Variants in FOXP2 observed in about 807,000 individuals in gnomAD.
FOXP2 encodes the protein forkhead box protein P2.
Under a neutral mutation model 115.8 loss-of-function variants are expected in FOXP2, and 12 were observed. The ratio of observed to expected loss-of-function variants is 0.10; its 90% CI spans 0.07 to 0.17. FOXP2 has a LOEUF of 0.17. FOXP2 is among the 10% of genes least tolerant of loss of function. FOXP2 has a pLI of 1.00. For missense variants in FOXP2, 629 were observed against 843.5 expected (o/e 0.75, Z 3.15); for synonymous variants, 328 against 297.7 (o/e 1.10, Z -1.05).
chr7:114,353,011 A>C (rs1228679146), intron 2 of FOXP2, among the ~76,000 whole-genome samples: 1 of 152,074 alleles, frequency 6.6e-6, no homozygotes, highest in Non-Finnish European at 1.5e-5. Flanking sequence ...CTGTAATGAG[A>C]TTGGGCTTTG....
At chr7:114,265,236 A>C (rs141546861) in intron 1 of FOXP2, among the ~76,000 whole-genome samples, 1 of 152,172 alleles carries the variant, frequency 6.6e-6, no homozygotes, top group African/African-American at 2.4e-5. Flanking sequence ...TACTTCCAAG[A>C]TACAATGGGG....
At chr7:114,418,590 G>A (rs1438575700) in intron 1 of FOXP2, among the ~76,000 whole-genome samples, 2 of 151,750 alleles carry the variant, frequency 1.3e-5, no homozygotes, top group South Asian at 2.1e-4. Context: ...CAGAACAGAC[G>A]TCATGAAGGC....
Position 114,583,223 on chromosome 7 carries a change from C to T in FOXP2, c.259-45317C>T, listed in dbSNP as rs531563420. On this transcript the variant is annotated intron_variant, in intron 3 of 16. Coordinates refer to ENST00000350908, the MANE Select transcript of FOXP2 (RefSeq NM_014491.4). ...ATGGTGAAACCCGCCTCTACTAAAA[C>T]CCAAAATTAGCTGGTCATGGTGGTG... Among the ~76,000 whole-genome samples the T allele has an allele frequency of 2.5e-4, 38 of 152,000 alleles. 2 individuals carry two copies. The highest frequency in any genetic ancestry group is 2.4e-3 in the Admixed American group (36 of 15,264).
At chr7:114,371,589 CCCACAATCTGCCACTTAATTTAATA>C (rs1231765998) in intron 2 of FOXP2, among the ~76,000 whole-genome samples, 1 of 151,902 alleles carries the variant, frequency 6.6e-6, no homozygotes, top group African/African-American at 2.4e-5. Flanking sequence ...TTTGTTATTA[CCCACAATCTGCCACTTAATTTAATA>C]GTCAAAGATG....
At chr7:114,184,359 C>CAGA (rs769806434) in intron 1 of FOXP2, among the ~76,000 whole-genome samples, 41 of 152,126 alleles carry the variant, frequency 2.7e-4, no homozygotes, top group Non-Finnish European at 4.4e-4. Flanking sequence ...AGAGAAGACC[C>CAGA]AGAAGCCTTT....
At chr7:114,191,146 A>C (rs1793750820) in intron 1 of FOXP2, among the ~76,000 whole-genome samples, 1 of 152,176 alleles carries the variant, frequency 6.6e-6, no homozygotes, top group Admixed American at 6.5e-5. Flanking sequence ...TTCCTCTTGA[A>C]CTTTCTATCC....
At chr7:114,108,137 C>G (rs1416736719) in intron 1 of FOXP2, among the ~76,000 whole-genome samples, 2 of 151,724 alleles carry the variant, frequency 1.3e-5, no homozygotes, top group Admixed American at 1.3e-4. Context: ...AAGTATGAAC[C>G]AGGTTGACTG....
chr7:114,427,794 T>C (rs1419529332), intron 2 of FOXP2, among the ~76,000 whole-genome samples: 1 of 151,588 alleles, frequency 6.6e-6, no homozygotes, highest in Non-Finnish European at 1.5e-5. Flanking sequence ...TTAAAAAAGT[T>C]ACATGGGTTG....
At chr7:114,224,407 C>T (rs1794699487) in intron 1 of FOXP2, among the ~76,000 whole-genome samples, 1 of 152,088 alleles carries the variant, frequency 6.6e-6, no homozygotes, top group Non-Finnish European at 1.5e-5. Flanking sequence ...TTATTCCTCT[C>T]CGTTATTAAT....
chr7:114,362,905 C>T (rs1419597144), intron 2 of FOXP2, among the ~76,000 whole-genome samples: 1 of 151,958 alleles, frequency 6.6e-6, no homozygotes, highest in Non-Finnish European at 1.5e-5. Flanking sequence ...TCAAAGATTA[C>T]TTGTTAAAGG....
chr7:114,594,896 T>A (rs1434790417), intron 3 of FOXP2, among the ~76,000 whole-genome samples: 1 of 152,012 alleles, frequency 6.6e-6, no homozygotes, highest in Admixed American at 6.6e-5. Context: ...GAAGGTATGT[T>A]CTCAGGGTTG....
At chr7:114,097,364 A>G (rs1799674779) in intron 1 of FOXP2, among the ~76,000 whole-genome samples, 2 of 152,158 alleles carry the variant, frequency 1.3e-5, no homozygotes, top group Non-Finnish European at 2.9e-5. Flanking sequence ...CAAGTCTGTT[A>G]TGTAAATAGA....
At chr7:114,260,913 G>C (rs779148270) in intron 1 of FOXP2, among the ~76,000 whole-genome samples, 1 of 152,086 alleles carries the variant, frequency 6.6e-6, no homozygotes, top group Non-Finnish European at 1.5e-5. Flanking sequence ...GGTGGAAGAA[G>C]AGCTGCATAT....
intron 1 of FOXP2, among the ~76,000 whole-genome samples, chr7:114,151,619 CA>C (rs908170869): frequency 6.6e-6 from 1 of 151,958 alleles, no homozygotes; most frequent in African/African-American, 2.4e-5. Context: ...ATTTATAATT[CA>C]GACATTATTT....
chr7:114,285,138 T>C (rs1235836219), intron 1 of FOXP2, among the ~76,000 whole-genome samples: 1 of 152,132 alleles, frequency 6.6e-6, no homozygotes, highest in Non-Finnish European at 1.5e-5. Context: ...GGCATGAAAT[T>C]ACCTGCACTG....
intron 2 of FOXP2, chr7:114,499,053 A>T: frequency 1.7e-6 from 1 of 600,276 alleles, no homozygotes; most frequent in Non-Finnish European, 3.0e-6. Context: ...GACCTACTGA[A>T]TCAGAAACCC....
intron 1 of FOXP2, among the ~76,000 whole-genome samples, chr7:114,190,695 TCTCC>T (rs987494263): frequency 6.6e-6 from 1 of 152,206 alleles, no homozygotes; most frequent in Admixed American, 6.5e-5. Flanking sequence ...TGTCTGATTT[TCTCC>T]CTCCCTCTTT....
chr7:114,371,290 T>C lies in FOXP2; in HGVS notation c.-10-55212T>C, dbSNP rs961086230. Among the ~76,000 whole-genome samples the C allele has an allele frequency of 6.0e-4, 90 of 150,510 alleles. 1 individual carries two copies. Among genetic ancestry groups the C allele is most frequent in the Admixed American group, 2.7e-4 (4 of 15,000 alleles). On this transcript the variant is annotated intron_variant, in intron 2 of 17. Transcript: ENST00000634411. ...TAGTAGCAATAAGGTTTTGCCATGT[T>C]GCACAGGCTGGACTCAAACTCCTGG...
intron 8 of FOXP2, among the ~76,000 whole-genome samples, chr7:114,649,226 A>G (rs1314131438): frequency 2.0e-5 from 3 of 152,138 alleles, no homozygotes; most frequent in Non-Finnish European, 4.4e-5. Context: ...TGTAACAAGC[A>G]TCTTCAGGGA....
Sources: allele counts gnomAD v4.1 joint callset (sites outside exome capture counted in the v4.1 genomes callset), GRCh38; gene constraint gnomAD v4.1.1; transcripts MANE v1.5; gene names NCBI Gene and HGNC (gene_info 2026-07-23, HGNC 2026-07-21).